The following PAPPA variants were observed in gnomAD, a reference collection of about 807,000 sequenced individuals.
The protein encoded by PAPPA is pappalysin-1.
PAPPA carries 60 observed loss-of-function variants against 164.0 expected under a neutral mutation model. That is an observed-to-expected ratio of 0.37 (90% CI 0.30 to 0.45). The LOEUF (loss-of-function observed/expected upper bound fraction) is 0.45, where lower values mean the gene tolerates loss of function less well. PAPPA is among the 20% of genes least tolerant of loss of function. The pLI is 1.00. For missense variants in PAPPA, 1,782 were observed against 2,087.3 expected, an observed-to-expected ratio of 0.85 and a Z score of 2.85; for synonymous variants, 875 against 814.1, an observed-to-expected ratio of 1.07 and a Z score of -1.27.
At chr9:116,216,682 T>G (rs1345138560) in intron 4 of PAPPA, among the ~76,000 whole-genome samples, 1 of 152,160 alleles carries the variant, frequency 6.6e-6, no homozygotes, top group Non-Finnish European at 1.5e-5. Context: ...CTCCCCAGAT[T>G]TTGATAGCTG....
chr9:116,274,748 C>A (rs552987159), intron 9 of PAPPA, among the ~76,000 whole-genome samples: 1 of 152,184 alleles, frequency 6.6e-6, no homozygotes, highest in Non-Finnish European at 1.5e-5. Context: ...AAGAGCCCAA[C>A]GCTTAGTATA....
chr9:116,235,024 TTCCCC>T, intron 6 of PAPPA, 110 bp from the exon 7 acceptor site: 1 of 1,158,440 alleles, frequency 8.6e-7, no homozygotes, highest in Non-Finnish European at 1.3e-6. Flanking sequence ...TCCTCTCCTT[TTCCCC>T]TCTGTCTAAG....
chr9:116,347,533 G>A lies in PAPPA; in HGVS notation c.3964+324G>A, dbSNP rs2118982590. Reference sequence around the variant, plus strand: ...AGAAAAAAAAGTTACATTTGGGACTGATGAAACTAATTCACTCTGTATGAT... The same window carrying A: ...AGAAAAAAAAGTTACATTTGGGACTAATGAAACTAATTCACTCTGTATGAT... On this transcript the variant is annotated intron_variant, in intron 15 of 21. Transcript: ENST00000328252. The surrounding 1 kb of genome is among the most constrained non-coding windows in gnomAD (Gnocchi z 4.5). 6.6e-6 allele frequency among the ~76,000 whole-genome samples: 1 copy of A among 152,312 alleles called. No homozygotes were observed.
At chr9:116,358,802 C>T (rs1426517477) in intron 17 of PAPPA, among the ~76,000 whole-genome samples, 1 of 152,198 alleles carries the variant, frequency 6.6e-6, no homozygotes, top group South Asian at 2.1e-4. Flanking sequence ...CATTGGCAAC[C>T]TTTGTGACTT....
intron 14 of PAPPA, among the ~76,000 whole-genome samples, chr9:116,345,436 G>GA (rs55953344): frequency 0.14 from 20,446 of 142,698 alleles, 1,822 homozygotes; most frequent in East Asian, 0.24. Flanking sequence ...ACATTGATGA[G>GA]AAAAAAAAAA....
At position 116,187,495 on chromosome 9, in the gene PAPPA, A is replaced by G. The variant is rs774064852; in HGVS notation, c.757A>G (p.Ile253Val). 2 of 1,614,178 alleles carry G rather than the reference A, an allele frequency of 1.2e-6. No homozygotes were observed. Among genetic ancestry groups the G allele is most frequent in the Admixed American group, 1.7e-5 (1 of 60,026 alleles). ...SALNHNYRGY[I>V]EHFSLWKVAR... The stretch of plus-strand genomic sequence containing the variant: ...CCTGAATCACAACTACCGGGGCTAC[A>G]TCGAGCACTTCAGTCTGTGGAAGGT... The change falls in exon 2 of 22, where the codon ATC becomes GTC. Residue 253 changes from isoleucine to valine, a missense_variant. Ile to Val is a conservative substitution (Grantham distance 29). This residue lies in a region of PAPPA where 458 missense variants were observed against 430.3 expected (regional missense o/e 1.06). Transcript: ENST00000328252. This position sits in a 1 kb window ranked among gnomAD's most constrained non-coding sequence, Gnocchi z 4.2.
At chr9:116,252,711 G>A (rs753302697) in intron 7 of PAPPA, among the ~76,000 whole-genome samples, 1 of 152,192 alleles carries the variant, frequency 6.6e-6, no homozygotes, top group Non-Finnish European at 1.5e-5. Context: ...TCCGTCACTT[G>A]ATGATTCAAG....
Position 116,377,797 on chromosome 9 carries a change from C to A in PAPPA, c.4677+150C>A, listed in dbSNP as rs1031014790. 1.8e-5 allele frequency: 11 copies of A among 614,024 alleles called. No homozygotes were observed. The African/African-American group carries it at 1.8e-4, about 10-fold the overall frequency. The allele number at this position is 614,024 out of a possible 1,614,324, so 38.0% of individuals were successfully genotyped here. A position where few individuals can be genotyped will look rare whatever the true frequency, so the allele number is the denominator to read the frequency against. On this transcript the variant is annotated intron_variant, in intron 20 of 21. Transcript: ENST00000328252. ...AGACTTCTTGGACAGGGATTAGCAG[C>A]CTTATTTTACAGATGATGGAATTGA... is the stretch of plus-strand genomic sequence containing the variant.
intron 10 of PAPPA, among the ~76,000 whole-genome samples, chr9:116,327,606 C>T (rs191542035): frequency 1.3e-5 from 2 of 151,722 alleles, no homozygotes; most frequent in African/African-American, 2.4e-5. Flanking sequence ...AAAACACAGG[C>T]GGATGAAAAC....
chr9:116,352,586 T>A (rs2118593190), intron 15 of PAPPA, 120 bp from the exon 16 acceptor site: 2 of 770,788 alleles, frequency 2.6e-6, no homozygotes, highest in East Asian at 5.2e-5. Context: ...TAGAAGGGGT[T>A]GGAATTCCAC....
rs1039920013 is a variant in PAPPA at position 116,173,356 on chromosome 9, C to T, written c.416-13798C>T. ...TAATGAGTCTTAAGGCTAAATGACT[C>T]CAGATTGCCACATGAGCACTAGACA... On this transcript the variant is annotated intron_variant, in intron 1 of 21. Coordinates refer to ENST00000328252, the MANE Select transcript of PAPPA (RefSeq NM_002581.5). 2.6e-5 allele frequency among the ~76,000 whole-genome samples: 4 copies of T among 152,130 alleles called. No homozygotes were observed. The East Asian group carries it at 7.7e-4, about 29-fold the overall frequency.
intron 7 of PAPPA, among the ~76,000 whole-genome samples, chr9:116,263,381 T>C (rs1845026500): frequency 6.6e-6 from 1 of 152,124 alleles, no homozygotes; most frequent in Non-Finnish European, 1.5e-5. Context: ...AGTGAAGTAG[T>C]AGAAAAGATA....
intron 21 of PAPPA, among the ~76,000 whole-genome samples, chr9:116,389,777 C>T (rs1455461925): frequency 6.6e-6 from 1 of 151,906 alleles, no homozygotes; most frequent in East Asian, 1.9e-4. Flanking sequence ...CACATCACCC[C>T]TGGCACTCCC....
At chr9:116,238,978 A>G (rs1214717262) in intron 7 of PAPPA, among the ~76,000 whole-genome samples, 1 of 152,214 alleles carries the variant, frequency 6.6e-6, no homozygotes, top group Non-Finnish European at 1.5e-5. Context: ...TGGCTCTTAT[A>G]CAAGTTCTAT....
intron 1 of PAPPA, among the ~76,000 whole-genome samples, chr9:116,172,656 G>T (rs1200676233): frequency 1.3e-5 from 2 of 152,130 alleles, no homozygotes; most frequent in Non-Finnish European, 2.9e-5. Flanking sequence ...CCCCTCTTGA[G>T]CTTACAGTGT....
chr9:116,289,861 A>G (rs148405781), intron 9 of PAPPA, among the ~76,000 whole-genome samples: 70 of 152,336 alleles, frequency 4.6e-4, no homozygotes, highest in African/African-American at 1.6e-3. Context: ...TATGAAGGGA[A>G]TAAAATAGAC....
rs548764131 is a variant in PAPPA, at chr9:116,370,891, G to A, written c.4605+3137G>A. 4.6e-5 allele frequency among the ~76,000 whole-genome samples: 7 copies of A among 152,274 alleles called. No individual in the cohort carries two copies. The South Asian group carries it at 1.5e-3, about 32-fold the overall frequency. On this transcript the variant is annotated intron_variant, in intron 19 of 21. Coordinates refer to ENST00000328252, the MANE Select transcript of PAPPA (RefSeq NM_002581.5). ...TCCCTTGGTGCCTAGCACACAGCAGGTACTTGCTAAATATTTATGATTGCT... is the reference window on the plus strand; with the variant it reads ...TCCCTTGGTGCCTAGCACACAGCAGATACTTGCTAAATATTTATGATTGCT...
intron 9 of PAPPA, among the ~76,000 whole-genome samples, chr9:116,281,134 G>A (rs1845260827): frequency 6.6e-6 from 1 of 152,208 alleles, no homozygotes; most frequent in Admixed American, 6.5e-5. Flanking sequence ...GTACATGGTA[G>A]GGTGTGCATA....
At chr9:116,237,478 T>G (rs1364862740) in intron 7 of PAPPA, among the ~76,000 whole-genome samples, 1 of 152,166 alleles carries the variant, frequency 6.6e-6, no homozygotes, top group East Asian at 1.9e-4. Context: ...TCAGCTTTCC[T>G]TTTTTTGCCT....
Sources: gnomAD v4.1 joint callset for allele counts (sites outside exome capture counted in the v4.1 genomes callset) on GRCh38, gnomAD v4.1.1 for gene constraint, gnomAD v4.1.1 regional missense constraint, Gnocchi (gnomAD v3.1) non-coding constraint, MANE v1.5 for transcripts, NCBI Gene and HGNC (gene_info 2026-07-23, HGNC 2026-07-21) for gene names.